Variants in NPLOC4 observed in about 807,000 individuals in gnomAD.
NPLOC4 encodes the protein nuclear protein localization protein 4 homolog.
A neutral mutation model predicts 80.6 loss-of-function variants in NPLOC4; 18 were observed. The ratio of observed to expected loss-of-function variants is 0.22; its 90% CI spans 0.15 to 0.33. The LOEUF is 0.33. Among genes scored for constraint, NPLOC4 ranks in the 10% least tolerant of loss-of-function variants. The pLI, the probability that NPLOC4 is intolerant of heterozygous loss-of-function variation, is 1.00. For missense variants in NPLOC4, 540 were observed against 786.1 expected, an observed-to-expected ratio of 0.69 and a Z score of 3.74; for synonymous variants, 313 against 301.5, an observed-to-expected ratio of 1.04 and a Z score of -0.39.
chr17:81,636,881 C>T, intron 1 of NPLOC4, 35 bp downstream of exon 1: 5 of 1,405,002 alleles, frequency 3.6e-6, no homozygotes, highest in Non-Finnish European at 4.7e-6. Flanking sequence ...TGCCTCATCC[C>T]GGCGTCCCCG....
chr17:81,559,434 A>C lies in NPLOC4; in HGVS notation c.1670-18T>G. The C allele has an allele frequency of 6.2e-7, 1 of 1,602,560 alleles. No individual in the cohort carries two copies. The highest frequency in any genetic ancestry group is 8.5e-7 in the Non-Finnish European group (1 of 1,174,178). ...AACTGTGCCTGCAGGGTGGAAGAGA[A>C]ATGAGCACTCATCATTTCTGGCCCA... is the stretch of plus-strand genomic sequence containing the variant. On this transcript the variant is annotated intron_variant, in intron 16 of 16. Coordinates refer to ENST00000331134, the MANE Select transcript of NPLOC4 (RefSeq NM_017921.4).
intron 1 of NPLOC4, 67 bp downstream of exon 1, chr17:81,636,849 A>G: frequency 1.5e-6 from 2 of 1,344,428 alleles, no homozygotes; most frequent in South Asian, 1.8e-5. Flanking sequence ...CCTCCCCCAC[A>G]GGCCGAGGCC....
At chr17:81,565,318 C>T in intron 16 of NPLOC4, 187 bp downstream of exon 16, 1 of 704,550 alleles carries the variant, frequency 1.4e-6, no homozygotes, top group Non-Finnish European at 2.6e-6. Context: ...ATGTCTGCTC[C>T]ATCACCGGAG....
At chr17:81,629,471 A>C (rs2035878580) in intron 2 of NPLOC4, among the ~76,000 whole-genome samples, 1 of 152,090 alleles carries the variant, frequency 6.6e-6, no homozygotes, top group Admixed American at 6.6e-5. Flanking sequence ...TACAGGTGTG[A>C]GCCACCACGC....
At chr17:81,624,923 A>T (rs1014955200) in intron 2 of NPLOC4, among the ~76,000 whole-genome samples, 2 of 152,228 alleles carry the variant, frequency 1.3e-5, no homozygotes, top group East Asian at 3.9e-4. Context: ...GAGGCTGGCG[A>T]GGCAGACAGG....
intron 8 of NPLOC4, among the ~76,000 whole-genome samples, chr17:81,601,516 C>T (rs992493355): frequency 6.6e-6 from 1 of 152,166 alleles, no homozygotes; most frequent in East Asian, 1.9e-4. Flanking sequence ...CTTGCCCCTA[C>T]AAAGTGCTGG....
Position 81,572,017 on chromosome 17 carries a change from G to A in NPLOC4, c.1353C>T (p.Asp451=), listed in dbSNP as rs200329005. 4.5e-5 allele frequency: 72 copies of A among 1,600,356 alleles called. No individual in the cohort carries two copies. Among genetic ancestry groups the A allele is most frequent in the Admixed American group, 2.0e-4 (12 of 59,040 alleles). ...CAAGCTGTGCATGGGGGGCACTTAC[G>A]TCTATGATGAGATACTCCACAGGCA... The part of the protein sequence containing the change: ...RPLPVEYLII[D]ITTTFPKDPV... Residue 451 remains aspartate, a splice_region_variant and synonymous_variant, in exon 13 of 17, where the codon GAC becomes GAT. Coordinates refer to ENST00000331134, the MANE Select transcript of NPLOC4 (RefSeq NM_017921.4). The surrounding 1 kb of genome is among the most constrained non-coding windows in gnomAD (Gnocchi z 4.5).
At chr17:81,569,257 C>A in intron 13 of NPLOC4, 146 bp from the exon 14 acceptor site, 2 of 617,138 alleles carry the variant, frequency 3.2e-6, no homozygotes. Context: ...TCAAAGGGAA[C>A]CGTTATCTAT....
chr17:81,569,808 G>C (rs1479850934), intron 13 of NPLOC4, among the ~76,000 whole-genome samples: 1 of 152,178 alleles, frequency 6.6e-6, no homozygotes, highest in Non-Finnish European at 1.5e-5. Context: ...AGGGCACTTT[G>C]CACCTAAGAT....
intron 9 of NPLOC4, among the ~76,000 whole-genome samples, chr17:81,597,783 CAA>C (rs533038308): frequency 1.0e-4 from 9 of 86,738 alleles, no homozygotes; most frequent in Admixed American, 1.2e-4. Context: ...AACTCCATCT[CAA>C]AAAAAAAAAA....
chr17:81,569,428 C>G (rs1270808391), intron 13 of NPLOC4, among the ~76,000 whole-genome samples: 9 of 152,242 alleles, frequency 5.9e-5, no homozygotes, highest in African/African-American at 1.9e-4. Context: ...CACACAGGTT[C>G]TCTCCCTCTG....
intron 11 of NPLOC4, among the ~76,000 whole-genome samples, chr17:81,593,315 A>G (rs1396979480): frequency 6.6e-6 from 1 of 152,102 alleles, no homozygotes; most frequent in Non-Finnish European, 1.5e-5. Context: ...GCTGACGGCA[A>G]GGCCAGCTGA....
intron 2 of NPLOC4, among the ~76,000 whole-genome samples, chr17:81,624,515 C>T (rs1018993544): frequency 6.6e-6 from 1 of 152,030 alleles, no homozygotes; most frequent in African/African-American, 2.4e-5. Context: ...AGGAGAATCA[C>T]TTCGACCTGG....
rs1036477055 is a variant in NPLOC4 at position 81,558,591 on chromosome 17, A to G, written c.*668T>C. The G allele has an allele frequency of 1.3e-5, 2 of 152,226 alleles. No homozygotes were observed. The highest frequency in any genetic ancestry group is 4.8e-5 in the African/African-American group (2 of 41,462). The allele number at this position is 152,226 out of a possible 1,614,324, so 9.4% of individuals were successfully genotyped here. ...TTTGTGCAGTTTTTATCTTAAAAAAAAATAAATAAAAGTCTTCTGGGCAGG... is the reference window on the plus strand; with the variant it reads ...TTTGTGCAGTTTTTATCTTAAAAAAGAATAAATAAAAGTCTTCTGGGCAGG... On this transcript the variant is annotated 3_prime_UTR_variant, in exon 17 of 17. Transcript: ENST00000331134.
intron 4 of NPLOC4, among the ~76,000 whole-genome samples, chr17:81,611,469 C>T (rs1436241107): frequency 6.6e-6 from 1 of 151,588 alleles, no homozygotes; most frequent in Non-Finnish European, 1.5e-5. Context: ...CCTGTCTCAG[C>T]CTCCCAAGTA....
chr17:81,598,153 G>C (rs143925907), intron 9 of NPLOC4, among the ~76,000 whole-genome samples: 2,268 of 150,802 alleles, frequency 0.015, 30 homozygotes, highest in South Asian at 0.026. Flanking sequence ...TGCCCAGAGA[G>C]CTTAAAAAGA....
At chr17:81,621,525 T>C (rs1025941618) in intron 3 of NPLOC4, among the ~76,000 whole-genome samples, 1 of 152,102 alleles carries the variant, frequency 6.6e-6, no homozygotes, top group South Asian at 2.1e-4. Context: ...CTAAGGCACA[T>C]GTGAGTAAGT....
intron 3 of NPLOC4, among the ~76,000 whole-genome samples, chr17:81,616,729 C>CA (rs71166160): frequency 0.013 from 1,862 of 142,882 alleles, 55 homozygotes; most frequent in African/African-American, 0.044. Flanking sequence ...GACTCCATCT[C>CA]AAAAAAAAAA....
intron 11 of NPLOC4, among the ~76,000 whole-genome samples, chr17:81,595,560 T>C (rs2034887640): frequency 6.6e-6 from 1 of 151,032 alleles, no homozygotes; most frequent in Admixed American, 6.6e-5. Context: ...CTTTTCTTTT[T>C]TTGAGACAGA....
Sources: gnomAD v4.1 joint callset for allele counts (sites outside exome capture counted in the v4.1 genomes callset) on GRCh38, gnomAD v4.1.1 for gene constraint, Gnocchi (gnomAD v3.1) non-coding constraint, MANE v1.5 for transcripts, NCBI Gene and HGNC (gene_info 2026-07-23, HGNC 2026-07-21) for gene names.